The following KERA variants were observed in gnomAD, a reference collection of about 807,000 sequenced individuals.
KERA encodes the protein keratocan.
In KERA, 25 loss-of-function variants were observed where a neutral mutation model predicts 26.4. The observed-to-expected ratio is 0.95, with a 90% CI of 0.69 to 1.32. KERA has a LOEUF of 1.32. KERA is among the 40% of genes most tolerant of loss of function. KERA has a pLI of 0.00. For synonymous variants in KERA, 167 were observed against 146.1 expected (o/e 1.14, Z -1.03); for missense variants, 434 against 408.9 (o/e 1.06, Z -0.53).
Position 91,055,454 on chromosome 12 carries a change from C to T in KERA, c.828G>A (p.Lys276=), listed in dbSNP as rs200988556. Residue 276 remains lysine (K), a synonymous_variant, in exon 2 of 3, where the codon AAG becomes AAA. Coordinates refer to ENST00000266719, the MANE Select transcript of KERA (RefSeq NM_007035.4). ...DLQLSHNQLT[K]VPRISAHLQH... The stretch of plus-strand genomic sequence containing the variant: ...GCAGATGAGCACTGATTCGGGGAAC[C>T]TTTGTGAGTTGATTGTGCGACAGTT... 102 of 1,610,012 alleles carry T rather than the reference C, an allele frequency of 6.3e-5. No homozygotes were observed. Among genetic ancestry groups the T allele is most frequent in the Non-Finnish European group, 8.0e-5 (94 of 1,177,600 alleles).
At position 91,055,632 on chromosome 12, in the gene KERA, T is replaced by A. The variant is rs1878979705; in HGVS notation, c.650A>T (p.Gln217Leu). The change falls in exon 2 of 3, where the codon CAG becomes CTG. Residue 217 changes from glutamine to leucine, a missense_variant. Physicochemically the swap from Gln to Leu is moderately radical, Grantham distance 113. Coordinates refer to ENST00000266719, the MANE Select transcript of KERA (RefSeq NM_007035.4). Reference sequence around the variant, plus strand: ...AATGGAATTGTTGTCTAAAAACAACTGCATTGTATTGGCTGGTAATCTTGG... The same window carrying A: ...AATGGAATTGTTGTCTAAAAACAACAGCATTGTATTGGCTGGTAATCTTGG... ...MPPRLPANTM[Q>L]LFLDNNSIEG... is the part of the protein sequence containing the mutation. 5 of 1,611,288 alleles carry A rather than the reference T, an allele frequency of 3.1e-6. No individual in the cohort carries two copies. Among genetic ancestry groups the A allele is most frequent in the Non-Finnish European group, 4.2e-6 (5 of 1,178,158 alleles).
At position 91,055,853 on chromosome 12, in the gene KERA, ACTT is replaced by A; in HGVS notation, c.426_428del (p.Arg142del). 1 of 1,611,246 alleles carries A rather than the reference ACTT, an allele frequency of 6.2e-7. No individual in the cohort carries two copies. The highest frequency in any genetic ancestry group is 8.5e-7 in the Non-Finnish European group (1 of 1,178,206). On this transcript the variant is annotated inframe_deletion, in exon 2 of 3. Coordinates refer to ENST00000266719, the MANE Select transcript of KERA (RefSeq NM_007035.4). The stretch of plus-strand genomic sequence containing the variant: ...TTCTAGCTAATTGTAATTGTTCTAA[ACTT>A]CTTGGCAATGGAGAAGGTACCTCCT...
chr12:91,056,305 C>A lies in KERA; in HGVS notation c.-8-16G>T, dbSNP rs28776777. ...ATTATAGCACCTACAGAAAAAGGAA[C>A]ACAACTGTTAGATATTTGAAGATCT... On this transcript the variant is annotated splice_polypyrimidine_tract_variant and intron_variant, in intron 1 of 2. Transcript: ENST00000266719. 116,703 of 1,593,304 alleles carry A rather than the reference C, an allele frequency of 0.073. 5,981 individuals carry two copies. The highest frequency in any genetic ancestry group is 0.19 in the South Asian group (16,749 of 90,528).
chr12:91,052,673 C>A (rs1445560432), intron 2 of KERA, among the ~76,000 whole-genome samples: 2 of 151,450 alleles, frequency 1.3e-5, no homozygotes, highest in African/African-American at 2.4e-5. Context: ...TTCTACATAC[C>A]TGGGCATTTT....
Position 91,056,242 on chromosome 12 carries a change from T to C in KERA, c.40A>G (p.Ile14Val). Residue 14 changes from isoleucine to valine, a missense_variant, in exon 2 of 3, where the codon ATA becomes GTA. Physicochemically the swap from Ile to Val is conservative, Grantham distance 29. Coordinates refer to ENST00000266719, the MANE Select transcript of KERA (RefSeq NM_007035.4). ...CTTCTAGACCACACAGTGTCTGTTA[T>C]GAATAACACCCACATGATGAAACAG... ...TICFIMWVLFITDTVWSRSVR... is the reference protein window; with the variant it reads ...TICFIMWVLFVTDTVWSRSVR... The C allele has an allele frequency of 6.2e-7, 1 of 1,609,690 alleles. No individual in the cohort carries two copies. Among genetic ancestry groups the C allele is most frequent in the Non-Finnish European group, 8.5e-7 (1 of 1,177,320 alleles).
At chr12:91,051,933 T>C (rs1048753693) in intron 2 of KERA, among the ~76,000 whole-genome samples, 4 of 151,036 alleles carry the variant, frequency 2.6e-5, no homozygotes, top group Non-Finnish European at 4.4e-5. Context: ...AGTACAAGAG[T>C]AGATGGATGG....
chr12:91,054,261 T>G (rs1878936357), intron 2 of KERA, among the ~76,000 whole-genome samples: 1 of 151,408 alleles, frequency 6.6e-6, no homozygotes, highest in Non-Finnish European at 1.5e-5. Context: ...ATGATATGTT[T>G]ATGTGATTAT....
chr12:91,057,016 G>C (rs1565746233), intron 1 of KERA, among the ~76,000 whole-genome samples: 2 of 148,464 alleles, frequency 1.3e-5, no homozygotes, highest in African/African-American at 2.5e-5. Flanking sequence ...TGTATATTCT[G>C]TCTCTATATA....
chr12:91,055,281 C>T (rs2120960603), intron 2 of KERA, 115 bp downstream of exon 2: 1 of 946,404 alleles, frequency 1.1e-6, no homozygotes, highest in East Asian at 2.5e-5. Flanking sequence ...CACTAAAAAT[C>T]TAAAGGAACA....
At chr12:91,051,934 A>AGATG (rs990464091) in intron 2 of KERA, among the ~76,000 whole-genome samples, 11 of 151,476 alleles carry the variant, frequency 7.3e-5, no homozygotes, top group Non-Finnish European at 1.0e-4. Context: ...GTACAAGAGT[A>AGATG]GATGGATGGA....
At chr12:91,054,700 A>G (rs1048453565) in intron 2 of KERA, among the ~76,000 whole-genome samples, 3 of 151,294 alleles carry the variant, frequency 2.0e-5, no homozygotes, top group Non-Finnish European at 3.0e-5. Context: ...GATTGCCTGT[A>G]AGTCCCAAGG....
intron 2 of KERA, among the ~76,000 whole-genome samples, chr12:91,052,837 C>T (rs1449183303): frequency 2.0e-5 from 3 of 150,974 alleles, no homozygotes; most frequent in African/African-American, 7.3e-5. Flanking sequence ...CCCTTATCCT[C>T]ATCAAGCTCA....
chr12:91,055,154 T>C (rs1006694972), intron 2 of KERA, among the ~76,000 whole-genome samples: 4 of 151,182 alleles, frequency 2.6e-5, no homozygotes, highest in South Asian at 2.1e-4. Context: ...TAATGGATAA[T>C]AGTCCTCTGT....
intron 2 of KERA, among the ~76,000 whole-genome samples, chr12:91,052,847 ATGT>A (rs2120955291): frequency 2.1e-5 from 3 of 143,070 alleles, no homozygotes; most frequent in African/African-American, 7.7e-5. Context: ...CATCAAGCTC[ATGT>A]CCCATAATCA....
At chr12:91,052,088 GAAAAC>G (rs1455612316) in intron 2 of KERA, among the ~76,000 whole-genome samples, 1 of 151,576 alleles carries the variant, frequency 6.6e-6, no homozygotes, top group East Asian at 1.9e-4. Flanking sequence ...AAGCAATACA[GAAAAC>G]AATCTTGAAT....
chr12:91,056,425 T>A, intron 1 of KERA, 136 bp from the exon 2 acceptor site: 2 of 728,950 alleles, frequency 2.7e-6, no homozygotes, highest in Non-Finnish European at 4.8e-6. Context: ...ACACAGATCT[T>A]AATTAATATA....
At chr12:91,055,081 C>G (rs1321254398) in intron 2 of KERA, among the ~76,000 whole-genome samples, 1 of 151,028 alleles carries the variant, frequency 6.6e-6, no homozygotes, top group Non-Finnish European at 1.5e-5. Flanking sequence ...AATAAGCCTA[C>G]CCAATGGGGC....
chr12:91,051,785 T>C (rs899200570), intron 2 of KERA, among the ~76,000 whole-genome samples: 8 of 151,712 alleles, frequency 5.3e-5, no homozygotes, highest in African/African-American at 1.9e-4. Context: ...AGATCTGTGA[T>C]AGAAACAAAT....
intron 2 of KERA, among the ~76,000 whole-genome samples, chr12:91,054,966 A>C (rs1441798928): frequency 6.6e-6 from 1 of 151,268 alleles, no homozygotes; most frequent in African/African-American, 2.4e-5. Flanking sequence ...TTCAGGCATC[A>C]GCTGTCATAT....
Sources: allele counts gnomAD v4.1 joint callset (sites outside exome capture counted in the v4.1 genomes callset), GRCh38; gene constraint gnomAD v4.1.1; transcripts MANE v1.5; gene names NCBI Gene and HGNC (gene_info 2026-07-23, HGNC 2026-07-21).